Variants in SUCLG1 observed in about 807,000 individuals in gnomAD.
SUCLG1 encodes the protein succinate--CoA ligase [ADP/GDP-forming] subunit alpha, mitochondrial.
A neutral mutation model predicts 37.3 loss-of-function variants in SUCLG1; 26 were observed. The observed-to-expected ratio is 0.70, with a 90% confidence interval of 0.51 to 0.97. The LOEUF is 0.97. SUCLG1 is among the 50% of genes least tolerant of loss of function. The probability of loss-of-function intolerance (pLI) is 0.00; values close to 1 mark genes in which losing one functional copy is unlikely to be tolerated. For missense variants in SUCLG1, 433 were observed against 432.9 expected (o/e 1.00, Z 0.00); for synonymous variants, 163 against 155.6 (o/e 1.05, Z -0.36).
At chr2:84,444,278 T>A (rs1307873799) in intron 2 of SUCLG1, among the ~76,000 whole-genome samples, 2 of 152,152 alleles carry the variant, frequency 1.3e-5, no homozygotes, top group African/African-American at 2.4e-5. Flanking sequence ...CCATATTCCC[T>A]AAGTGTCAGC....
chr2:84,439,117 A>G (rs148252950), intron 5 of SUCLG1, among the ~76,000 whole-genome samples: 19 of 152,142 alleles, frequency 1.2e-4, no homozygotes, highest in African/African-American at 4.6e-4. Flanking sequence ...GCTTCATTGA[A>G]GTCAGCGAGA....
At chr2:84,431,737 T>C (rs1672617156) in intron 6 of SUCLG1, 78 bp from the exon 7 acceptor site, 1 of 1,470,972 alleles carries the variant, frequency 6.8e-7, no homozygotes, top group Admixed American at 1.7e-5. Context: ...TGTTTTTAAC[T>C]AGTTTGTCAT....
At chr2:84,454,154 GA>G (rs1672984271) in intron 1 of SUCLG1, among the ~76,000 whole-genome samples, 1 of 152,078 alleles carries the variant, frequency 6.6e-6, no homozygotes, top group Non-Finnish European at 1.5e-5. Context: ...TAAAAAGAGA[GA>G]AAAAATAGTT....
chr2:84,448,921 AT>A (rs774050605), intron 2 of SUCLG1: 13 of 398,032 alleles, frequency 3.3e-5, no homozygotes, highest in South Asian at 2.6e-4. Flanking sequence ...GAAAGGATAC[AT>A]GCCAACTTGT....
chr2:84,452,520 G>A (rs905176671), intron 1 of SUCLG1, among the ~76,000 whole-genome samples: 2 of 151,986 alleles, frequency 1.3e-5, no homozygotes, highest in Non-Finnish European at 2.9e-5. Flanking sequence ...TGAGTATACT[G>A]GGGGACTTTA....
intron 5 of SUCLG1, among the ~76,000 whole-genome samples, chr2:84,434,175 T>C (rs1286950824): frequency 6.6e-6 from 1 of 152,170 alleles, no homozygotes; most frequent in Non-Finnish European, 1.5e-5. Context: ...TTATAAATCA[T>C]CCAGGCTCAG....
intron 5 of SUCLG1, among the ~76,000 whole-genome samples, chr2:84,438,343 ACTGT>A (rs1242206377): frequency 2.0e-5 from 3 of 152,346 alleles, no homozygotes; most frequent in Admixed American, 6.5e-5. Flanking sequence ...AGAGTAACAA[ACTGT>A]CTATCATAAG....
chr2:84,456,009 G>C (rs1220341411), intron 1 of SUCLG1, among the ~76,000 whole-genome samples: 1 of 152,096 alleles, frequency 6.6e-6, no homozygotes, highest in Non-Finnish European at 1.5e-5. Context: ...TGGTACATCT[G>C]AATCAAGGCT....
chr2:84,433,188 C>T, intron 6 of SUCLG1, 164 bp downstream of exon 6: 1 of 714,818 alleles, frequency 1.4e-6, no homozygotes, highest in Admixed American at 2.3e-5. Context: ...CTTGAAACAA[C>T]TACAGAATAA....
chr2:84,428,359 A>G (rs1283752716), intron 7 of SUCLG1, among the ~76,000 whole-genome samples: 1 of 152,128 alleles, frequency 6.6e-6, no homozygotes, highest in African/African-American at 2.4e-5. Flanking sequence ...CTACTAAACT[A>G]TGAATTCCCT....
intron 1 of SUCLG1, among the ~76,000 whole-genome samples, chr2:84,455,275 AC>A (rs1672999928): frequency 6.6e-6 from 1 of 152,184 alleles, no homozygotes; most frequent in African/African-American, 2.4e-5. Flanking sequence ...CGGGCGGATC[AC>A]CTGAGGTCAG....
rs774763939 is a variant in SUCLG1, at chr2:84,441,463, A to C, written c.319-4T>G. On this transcript the variant is annotated splice_region_variant and splice_polypyrimidine_tract_variant and intron_variant, in intron 3 of 8. Transcript: ENST00000393868. Reference sequence around the variant, plus strand: ...TTGCTCCTGTCTGTTCTTTGGCCTGAAACATTAACGACGAAGCACCTTATT... The same window carrying C: ...TTGCTCCTGTCTGTTCTTTGGCCTGCAACATTAACGACGAAGCACCTTATT... 35 of 1,613,878 alleles carry C rather than the reference A, an allele frequency of 2.2e-5. No homozygotes were observed. The highest frequency in any genetic ancestry group is 2.9e-5 in the Non-Finnish European group (34 of 1,179,950).
intron 1 of SUCLG1, among the ~76,000 whole-genome samples, chr2:84,453,790 G>A (rs918192763): frequency 6.6e-6 from 1 of 152,226 alleles, no homozygotes; most frequent in Non-Finnish European, 1.5e-5. Context: ...TTCTGATGGC[G>A]AATGCTGTAG....
At chr2:84,457,026 G>GT (rs1220740589) in intron 1 of SUCLG1, among the ~76,000 whole-genome samples, 12 of 152,254 alleles carry the variant, frequency 7.9e-5, no homozygotes, top group African/African-American at 2.6e-4. Flanking sequence ...GTTCACTTGA[G>GT]TTTTTTCTGT....
intron 5 of SUCLG1, among the ~76,000 whole-genome samples, chr2:84,436,421 C>T (rs17025038): frequency 5.3e-4 from 81 of 152,234 alleles, no homozygotes; most frequent in Admixed American, 5.2e-3. Flanking sequence ...TGGGATGGAA[C>T]GAACACAAAC....
chr2:84,444,370 G>A (rs781290186), intron 2 of SUCLG1, among the ~76,000 whole-genome samples: 1 of 152,162 alleles, frequency 6.6e-6, no homozygotes, highest in Non-Finnish European at 1.5e-5. Context: ...CATGTCGGCA[G>A]GTTCCATGAT....
At chr2:84,428,339 G>GT (rs1266269933) in intron 7 of SUCLG1, among the ~76,000 whole-genome samples, 1 of 147,314 alleles carries the variant, frequency 6.8e-6, no homozygotes, top group Non-Finnish European at 1.5e-5. Context: ...CCTATTCCCC[G>GT]TGTGTTCTTC....
chr2:84,448,400 T>G (rs1672882878), intron 2 of SUCLG1, among the ~76,000 whole-genome samples: 1 of 151,924 alleles, frequency 6.6e-6, no homozygotes. Context: ...AAACCTAATA[T>G]GTTTACAATC....
intron 5 of SUCLG1, 183 bp from the exon 6 acceptor site, chr2:84,433,618 G>C: frequency 3.3e-6 from 2 of 612,642 alleles, no homozygotes; most frequent in Non-Finnish European, 2.9e-6. Flanking sequence ...AATTCAAGCA[G>C]GGGGGTTTTT....
Sources: gnomAD v4.1 joint callset for allele counts (sites outside exome capture counted in the v4.1 genomes callset) on GRCh38, gnomAD v4.1.1 for gene constraint, MANE v1.5 for transcripts, NCBI Gene and HGNC (gene_info 2026-07-23, HGNC 2026-07-21) for gene names.